Variants in OTUD7A observed in about 807,000 individuals in gnomAD.
OTUD7A encodes OTU deubiquitinase 7A.
OTUD7A carries 12 observed loss-of-function variants against 65.7 expected under a neutral mutation model. That is an observed-to-expected ratio of 0.18 (90% CI 0.12 to 0.30). The LOEUF (loss-of-function observed/expected upper bound fraction) is 0.30, where lower values mean the gene tolerates loss of function less well. Among genes scored for constraint, OTUD7A ranks in the 10% least tolerant of loss-of-function variants. OTUD7A has a pLI of 1.00. For synonymous variants in OTUD7A, 641 were observed against 586.3 expected, an observed-to-expected ratio of 1.09 and a Z score of -1.35; for missense variants, 1,148 against 1,304.8, an observed-to-expected ratio of 0.88 and a Z score of 1.85.
intron 1 of OTUD7A, among the ~76,000 whole-genome samples, chr15:31,782,644 G>A (rs67959511): frequency 0.12 from 18,750 of 152,142 alleles, 1,581 homozygotes; most frequent in East Asian, 0.46. Flanking sequence ...ACCCAGGAGA[G>A]GAAGCAGCAG....
chr15:31,665,951 AT>A (rs757966799), intron 1 of OTUD7A, among the ~76,000 whole-genome samples: 4 of 151,678 alleles, frequency 2.6e-5, no homozygotes, highest in Non-Finnish European at 4.4e-5. Context: ...TGTGTGGTAC[AT>A]TGCGTTTATT....
rs12440066 is a variant in OTUD7A at position 31,691,264 on chromosome 15, G to A, written c.-99-34187C>T. 4.4e-3 allele frequency among the ~76,000 whole-genome samples: 671 copies of A among 152,208 alleles called. 21 individuals carry two copies. Among genetic ancestry groups the A allele is most frequent in the Admixed American group, 0.028 (434 of 15,290 alleles). On this transcript the variant is annotated intron_variant, in intron 1 of 12. Coordinates refer to ENST00000307050, the MANE Select transcript of OTUD7A (RefSeq NM_001382637.1). ...CTGAAATTCATATGAAACCACAAAA[G>A]ACCTTGAACAGCTGAAGTGATCCTG...
At chr15:31,830,088 T>C (rs1896894167) in intron 1 of OTUD7A, among the ~76,000 whole-genome samples, 1 of 152,212 alleles carries the variant, frequency 6.6e-6, no homozygotes, top group African/African-American at 2.4e-5. Context: ...CACCATCTGC[T>C]GCTTGCTCGA....
At chr15:31,855,929 C>A (rs1897560189) in intron 1 of OTUD7A, among the ~76,000 whole-genome samples, 2 of 152,178 alleles carry the variant, frequency 1.3e-5, no homozygotes, top group African/African-American at 4.8e-5. Flanking sequence ...CTCAGCTAAC[C>A]CACAGGACTA....
At chr15:31,570,538 T>C (rs181407106) in intron 3 of OTUD7A, among the ~76,000 whole-genome samples, 136 of 152,160 alleles carry the variant, frequency 8.9e-4, no homozygotes, top group Admixed American at 8.0e-3. Flanking sequence ...AATCAAGTTG[T>C]AGAGCTTACT....
intron 2 of OTUD7A, among the ~76,000 whole-genome samples, chr15:31,656,756 C>A (rs909389622): frequency 6.6e-6 from 1 of 151,820 alleles, no homozygotes; most frequent in African/African-American, 2.4e-5. Context: ...CCTGGCCCTG[C>A]CCCTGTCCAG....
chr15:31,837,167 T>C (rs568414659), intron 1 of OTUD7A, among the ~76,000 whole-genome samples: 26 of 152,218 alleles, frequency 1.7e-4, no homozygotes, highest in African/African-American at 5.3e-4. Flanking sequence ...ACAAAATAAA[T>C]TGTGTTTCTA....
chr15:31,790,974 G>C (rs1178483361), intron 1 of OTUD7A, among the ~76,000 whole-genome samples: 4 of 152,146 alleles, frequency 2.6e-5, no homozygotes, highest in Non-Finnish European at 5.9e-5. Flanking sequence ...ACTGGGAGGT[G>C]CAAGTCTTGA....
At chr15:31,534,307 T>A (rs148256033) in intron 5 of OTUD7A, among the ~76,000 whole-genome samples, 5 of 152,092 alleles carry the variant, frequency 3.3e-5, no homozygotes, top group African/African-American at 9.6e-5. Context: ...AGAAGAAAAA[T>A]CACATAATCA....
chr15:31,621,343 A>G (rs1263711430), intron 3 of OTUD7A, among the ~76,000 whole-genome samples: 3 of 152,110 alleles, frequency 2.0e-5, no homozygotes, highest in African/African-American at 7.2e-5. Flanking sequence ...TGTTTCGTTG[A>G]TCTGTCTATC....
chr15:31,804,377 C>T (rs1200854976), intron 1 of OTUD7A, among the ~76,000 whole-genome samples: 1 of 152,148 alleles, frequency 6.6e-6, no homozygotes, highest in Non-Finnish European at 1.5e-5. Context: ...CCCCAACTCC[C>T]TGAATTAGAA....
At chr15:31,667,665 T>C (rs968200902) in intron 1 of OTUD7A, among the ~76,000 whole-genome samples, 6 of 152,236 alleles carry the variant, frequency 3.9e-5, no homozygotes, top group Admixed American at 2.6e-4. Flanking sequence ...ATTGCATTCA[T>C]TGTGCTATTT....
In OTUD7A at chr15:31,858,063, C is replaced by T. The variant is rs116126398; in HGVS notation, c.-100+12444G>A. Reference sequence around the variant, plus strand: ...CTGTGTCGTGGCACTGTTGTCTTCCCGGAAAGGGCAGAACTTATTCTCCTG... The same window carrying T: ...CTGTGTCGTGGCACTGTTGTCTTCCTGGAAAGGGCAGAACTTATTCTCCTG... On this transcript the variant is annotated intron_variant, in intron 1 of 12. Coordinates refer to ENST00000307050, the MANE Select transcript of OTUD7A (RefSeq NM_001382637.1). 7.0e-3 allele frequency among the ~76,000 whole-genome samples: 1,069 copies of T among 152,228 alleles called. 15 individuals are homozygous for T. The highest frequency in any genetic ancestry group is 0.025 in the African/African-American group (1,029 of 41,532).
At chr15:31,639,913 G>A (rs1409216130) in intron 3 of OTUD7A, among the ~76,000 whole-genome samples, 1 of 152,172 alleles carries the variant, frequency 6.6e-6, no homozygotes, top group Non-Finnish European at 1.5e-5. Context: ...CTAGAAACAA[G>A]TACTTTACCA....
intron 1 of OTUD7A, among the ~76,000 whole-genome samples, chr15:31,833,154 T>C (rs1481982520): frequency 6.6e-6 from 1 of 152,248 alleles, no homozygotes; most frequent in African/African-American, 2.4e-5. Context: ...TACAAGCCTA[T>C]GCTCCTTTCC....
In OTUD7A at chr15:31,786,911, G is replaced by T. The variant is rs73380515; in HGVS notation, c.-100+83596C>A. On this transcript the variant is annotated intron_variant, in intron 1 of 12. Coordinates refer to ENST00000307050, the MANE Select transcript of OTUD7A (RefSeq NM_001382637.1). ...TTATGAAATGTGTGTGAGGCCTGTCGTTCTACAAAACAAAGACCCTAAGGA... is the reference window on the plus strand; with the variant it reads ...TTATGAAATGTGTGTGAGGCCTGTCTTTCTACAAAACAAAGACCCTAAGGA... Among the ~76,000 whole-genome samples, 941 of 152,240 alleles carry T rather than the reference G, an allele frequency of 6.2e-3. 11 individuals carry two copies. The highest frequency in any genetic ancestry group is 0.022 in the African/African-American group (897 of 41,548).
At chr15:31,693,936 T>C (rs1320040192) in intron 1 of OTUD7A, among the ~76,000 whole-genome samples, 2 of 152,022 alleles carry the variant, frequency 1.3e-5, no homozygotes, top group Middle Eastern at 3.4e-3. Context: ...AAGGGACCTC[T>C]GAAGATGCTC....
chr15:31,807,119 T>C (rs916091187), intron 1 of OTUD7A, among the ~76,000 whole-genome samples: 1 of 152,384 alleles, frequency 6.6e-6, no homozygotes, highest in African/African-American at 2.4e-5. Flanking sequence ...TGCCTGGCAA[T>C]GTACTAGTCT....
chr15:31,811,909 T>C (rs1896427276), intron 1 of OTUD7A, among the ~76,000 whole-genome samples: 3 of 152,204 alleles, frequency 2.0e-5, no homozygotes, highest in Admixed American at 6.5e-5. Flanking sequence ...TCGCTCACTC[T>C]GCACAGCGGG....
Sources: gnomAD v4.1 joint callset for allele counts (sites outside exome capture counted in the v4.1 genomes callset) on GRCh38, gnomAD v4.1.1 for gene constraint, MANE v1.5 for transcripts, NCBI Gene and HGNC (gene_info 2026-07-23, HGNC 2026-07-21) for gene names.